Variants in ANK3 observed in about 807,000 individuals in gnomAD.
ANK3 encodes ankyrin 3.
A neutral mutation model predicts 370.9 loss-of-function variants in ANK3; 57 were observed. The ratio of observed to expected loss-of-function variants is 0.15; its 90% CI spans 0.12 to 0.19. ANK3 has a LOEUF of 0.19. Among genes scored for constraint, ANK3 ranks in the 10% least tolerant of loss-of-function variants. ANK3 has a pLI of 1.00. For missense variants in ANK3, 4,439 were observed against 5,302.1 expected (o/e 0.84, Z 5.06); for synonymous variants, 1,929 against 1,946.3 (o/e 0.99, Z 0.23).
intron 1 of ANK3, among the ~76,000 whole-genome samples, chr10:60,641,631 C>A (rs1313295196): frequency 2.0e-5 from 3 of 151,930 alleles, no homozygotes; most frequent in Admixed American, 2.0e-4. Context: ...AAAATTAATT[C>A]AAGATGGATT....
rs115479598 is a variant in ANK3, at chr10:60,598,436, G to A, written c.96+16750C>T. On this transcript the variant is annotated intron_variant, in intron 2 of 43. Transcript: ENST00000373827. ...CTACTTTATCTAAAAATATTAAATT[G>A]AGCCTGACTAATGAAGTTTTTGTTA... Among the ~76,000 whole-genome samples the A allele has an allele frequency of 4.5e-3, 690 of 152,168 alleles. 5 individuals are homozygous for A. The highest frequency in any genetic ancestry group is 0.016 in the African/African-American group (662 of 41,508).
At chr10:60,466,856 A>C (rs1045250203) in intron 2 of ANK3, among the ~76,000 whole-genome samples, 1 of 152,194 alleles carries the variant, frequency 6.6e-6, no homozygotes, top group Non-Finnish European at 1.5e-5. Flanking sequence ...TTTGCATAAT[A>C]AGCAAATGTG....
intron 5 of ANK3, among the ~76,000 whole-genome samples, chr10:60,267,197 C>T (rs1276873162): frequency 1.3e-5 from 2 of 152,028 alleles, no homozygotes; most frequent in African/African-American, 2.4e-5. Context: ...CCTTTAATTG[C>T]CCCCTACTGT....
At chr10:60,730,690 A>G (rs948692205) in intron 1 of ANK3, among the ~76,000 whole-genome samples, 1 of 152,238 alleles carries the variant, frequency 6.6e-6, no homozygotes, top group Non-Finnish European at 1.5e-5. Context: ...TCTGACTGGC[A>G]TTCACATTTG....
intron 2 of ANK3, among the ~76,000 whole-genome samples, chr10:60,511,501 A>C (rs188959893): frequency 1.3e-5 from 2 of 152,314 alleles, no homozygotes; most frequent in East Asian, 3.9e-4. Flanking sequence ...ATTACATAAT[A>C]AAAGCTATTG....
In ANK3 at chr10:60,645,696, G is replaced by A. The variant is rs192403327; in HGVS notation, c.58-30472C>T. On this transcript the variant is annotated intron_variant, in intron 1 of 43. Coordinates refer to the ANK3 transcript ENST00000373827. ...GCCAAGATCACACCACTGCACTCCA[G>A]CCTGGTCAACAGAGTGAGATTATGT... Among the ~76,000 whole-genome samples, 621 of 152,138 alleles carry A rather than the reference G, an allele frequency of 4.1e-3. 6 individuals are homozygous for A. Among genetic ancestry groups the A allele is most frequent in the African/African-American group, 0.014 (584 of 41,496 alleles).
At chr10:60,418,587 T>C (rs2063716635) in intron 2 of ANK3, among the ~76,000 whole-genome samples, 1 of 151,962 alleles carries the variant, frequency 6.6e-6, no homozygotes, top group Non-Finnish European at 1.5e-5. Context: ...AAATAATAAA[T>C]ATAATGAAAA....
chr10:60,071,162 G>C lies in ANK3; in HGVS notation c.9719C>G (p.Ser3240Cys), dbSNP rs780122220. 4 of 1,614,138 alleles carry C rather than the reference G, an allele frequency of 2.5e-6. No individual in the cohort carries two copies. Among genetic ancestry groups the C allele is most frequent in the Non-Finnish European group, 3.4e-6 (4 of 1,180,012 alleles). ...TCTGTTATTTTTGGGTCTTTGGTTA[G>C]AGTCTTTGCTCACGTCATTAGGCAT... ...REMPNDVSKD[S>C]NQRPKNNRVA... The change falls in exon 37 of 44, where the codon TCT becomes TGT. Residue 3240 changes from serine to cysteine, a missense_variant. Physicochemically the swap from Ser to Cys is moderately radical, Grantham distance 112. Transcript: ENST00000280772.
intron 15 of ANK3, 61 bp downstream of exon 15, chr10:60,196,465 AG>A: frequency 8.5e-7 from 1 of 1,170,814 alleles, no homozygotes; most frequent in Non-Finnish European, 1.3e-6. Flanking sequence ...AGTGAATATT[AG>A]CAAGGGTGTA....
intron 1 of ANK3, among the ~76,000 whole-genome samples, chr10:60,627,394 G>A (rs535129160): frequency 5.4e-5 from 8 of 148,672 alleles, no homozygotes; most frequent in East Asian, 4.0e-4. Flanking sequence ...GTTATTGTCC[G>A]TCATTAAAAA....
At chr10:60,634,784 C>T (rs2078530798) in intron 1 of ANK3, among the ~76,000 whole-genome samples, 1 of 152,026 alleles carries the variant, frequency 6.6e-6, no homozygotes, top group Admixed American at 6.6e-5. Flanking sequence ...AGCGAGACCG[C>T]GAACCCACCG....
At chr10:60,060,423 C>T (rs2080180296) in intron 40 of ANK3, 1 of 152,706 alleles carries the variant, frequency 6.5e-6, no homozygotes, top group Non-Finnish European at 1.5e-5. Context: ...TACAGCAAGC[C>T]ACAAGAAACC....
At chr10:60,628,909 T>G (rs1353455575) in intron 1 of ANK3, among the ~76,000 whole-genome samples, 2 of 152,224 alleles carry the variant, frequency 1.3e-5, no homozygotes, top group Non-Finnish European at 2.9e-5. Context: ...AAGTGATTGC[T>G]AAAGGATTGA....
At chr10:60,175,866 T>C (rs999423668) in intron 18 of ANK3, among the ~76,000 whole-genome samples, 5 of 152,214 alleles carry the variant, frequency 3.3e-5, no homozygotes, top group Non-Finnish European at 5.9e-5. Flanking sequence ...AAATGGACTT[T>C]AGTAGCAGTA....
chr10:60,044,395 C>T (rs1023477439), intron 42 of ANK3: 149 of 874,274 alleles, frequency 1.7e-4, no homozygotes, highest in Non-Finnish European at 2.0e-4. Flanking sequence ...ATGGAGAAAT[C>T]TCCACACTAC....
intron 2 of ANK3, among the ~76,000 whole-genome samples, chr10:60,396,450 C>T (rs1046267883): frequency 6.6e-6 from 1 of 152,144 alleles, no homozygotes; most frequent in African/African-American, 2.4e-5. Context: ...TTCAAATATA[C>T]TTATTACTGA....
intron 23 of ANK3, among the ~76,000 whole-genome samples, chr10:60,156,508 T>A (rs911559304): frequency 2.0e-5 from 3 of 152,124 alleles, no homozygotes; most frequent in African/African-American, 7.2e-5. Flanking sequence ...CATGTGACCC[T>A]GTGCAGTGCC....
intron 2 of ANK3, among the ~76,000 whole-genome samples, chr10:60,418,668 T>A (rs2132946355): frequency 6.6e-6 from 1 of 152,038 alleles, no homozygotes; most frequent in Admixed American, 6.6e-5. Context: ...CAATATTTTT[T>A]AAAGTATAAA....
intron 26 of ANK3, among the ~76,000 whole-genome samples, chr10:60,113,704 A>C (rs543504562): frequency 6.6e-6 from 1 of 152,300 alleles, no homozygotes; most frequent in African/African-American, 2.4e-5. Context: ...AGCCAGACCC[A>C]GTCAAAAACA....
Sources: allele counts gnomAD v4.1 joint callset (sites outside exome capture counted in the v4.1 genomes callset), GRCh38; gene constraint gnomAD v4.1.1; transcripts MANE v1.5; gene names NCBI Gene and HGNC (gene_info 2026-07-23, HGNC 2026-07-21).